CUX1: variants seen among roughly 807,000 people sequenced by gnomAD.
CUX1 encodes protein CASP.
Under a neutral mutation model 158.8 loss-of-function variants are expected in CUX1, and 31 were observed. The ratio of observed to expected loss-of-function variants is 0.20; its 90% CI spans 0.15 to 0.26. The LOEUF (loss-of-function observed/expected upper bound fraction) is 0.26. Ranked by LOEUF, CUX1 falls within the 10% of genes least tolerant of loss-of-function variation. CUX1 has a pLI of 1.00. For missense variants in CUX1, 1,589 were observed against 2,014.6 expected, an observed-to-expected ratio of 0.79 and a Z score of 4.04; for synonymous variants, 879 against 862.1, an observed-to-expected ratio of 1.02 and a Z score of -0.34.
chr7:101,941,139 G>A (rs1041372227), intron 2 of CUX1, among the ~76,000 whole-genome samples: 8 of 152,216 alleles, frequency 5.3e-5, no homozygotes, highest in African/African-American at 1.9e-4. Flanking sequence ...AGCCAGCCGG[G>A]CAGCCTGTTC....
chr7:102,195,494 C>G lies in CUX1; in HGVS notation c.1126-13C>G, dbSNP rs368169444. The G allele has an allele frequency of 2.2e-4, 346 of 1,607,126 alleles. No individual in the cohort carries two copies. Among genetic ancestry groups the G allele is most frequent in the Non-Finnish European group, 2.8e-4 (328 of 1,178,164 alleles). On this transcript the variant is annotated splice_polypyrimidine_tract_variant and intron_variant, in intron 13 of 23. Coordinates refer to ENST00000292535, the MANE Select transcript of CUX1 (RefSeq NM_181552.4). ...CCGGCCCCGCAGTGAGACCCCCGCT[C>G]TGCCCCTTCTAGGATGCGGCCAAGC...
chr7:102,090,671 G>A (rs1828481470), intron 4 of CUX1, among the ~76,000 whole-genome samples: 1 of 147,104 alleles, frequency 6.8e-6, no homozygotes, highest in Admixed American at 6.8e-5. Flanking sequence ...ACAGGCGTGA[G>A]CCACCGCACC....
intron 3 of CUX1, among the ~76,000 whole-genome samples, chr7:102,046,569 A>ATTTTTTTTTTTTTTTTTTTTTTTTTTT (rs55753644): frequency 3.6e-5 from 2 of 55,480 alleles, no homozygotes; most frequent in Non-Finnish European, 6.4e-5. Context: ...TTTGGTTTGG[A>ATTTTTTTTTTTTTTTTTTTTTTTTTTT]TTTTTTTTTT....
At chr7:101,820,457 C>T (rs1464533543) in intron 1 of CUX1, among the ~76,000 whole-genome samples, 1 of 152,178 alleles carries the variant, frequency 6.6e-6, no homozygotes, top group African/African-American at 2.4e-5. Context: ...TAAAAGGCAA[C>T]TCTAACCATT....
At chr7:102,098,231 T>A (rs538222061) in intron 5 of CUX1, among the ~76,000 whole-genome samples, 4 of 152,336 alleles carry the variant, frequency 2.6e-5, no homozygotes, top group Non-Finnish European at 5.9e-5. Context: ...TGTTTTGGTT[T>A]GGGAATGTGA....
intron 9 of CUX1, among the ~76,000 whole-genome samples, chr7:102,168,904 T>A: frequency 8.4e-6 from 1 of 119,312 alleles, no homozygotes. Flanking sequence ...TTTTCTTTTC[T>A]TTTCTTTTAT....
chr7:102,238,411 G>A (rs1554533634), intron 22 of CUX1, among the ~76,000 whole-genome samples: 1 of 152,142 alleles, frequency 6.6e-6, no homozygotes, highest in African/African-American at 2.4e-5. Flanking sequence ...ACTCCTCACT[G>A]TGTCCCCTCA....
intron 2 of CUX1, among the ~76,000 whole-genome samples, chr7:102,005,264 C>T (rs1018114636): frequency 6.6e-6 from 1 of 152,222 alleles, no homozygotes; most frequent in Admixed American, 6.5e-5. Context: ...CGGTGGCTCA[C>T]GCCTGTAATC....
Position 102,201,298 on chromosome 7 carries a change from A to C in CUX1, c.2063-62A>C. 6.4e-7 allele frequency: 1 copy of C among 1,569,516 alleles called. No individual in the cohort carries two copies. Among genetic ancestry groups the C allele is most frequent in the Non-Finnish European group, 8.6e-7 (1 of 1,157,446 alleles). ...TTGCAGTAGGTCAAGTTAGGATGAG[A>C]AGCATGTCCCCAGCTGAAGGGGGCC... On this transcript the variant is annotated intron_variant, in intron 17 of 23. Coordinates refer to ENST00000292535, the MANE Select transcript of CUX1 (RefSeq NM_181552.4). This position sits in a 1 kb window ranked among gnomAD's most constrained non-coding sequence, Gnocchi z 5.0.
At chr7:102,173,858 G>T (rs1554511083) in intron 10 of CUX1, among the ~76,000 whole-genome samples, 1 of 152,194 alleles carries the variant, frequency 6.6e-6, no homozygotes, top group African/African-American at 2.4e-5. Context: ...CTCCCCGCGG[G>T]CGTGTATTCC....
chr7:102,044,545 T>A (rs1333737745), intron 3 of CUX1, among the ~76,000 whole-genome samples: 1 of 152,186 alleles, frequency 6.6e-6, no homozygotes, highest in East Asian at 1.9e-4. Flanking sequence ...CATTAACTTT[T>A]CCCCTCTTTC....
chr7:102,026,840 A>C (rs1290487029), intron 2 of CUX1, among the ~76,000 whole-genome samples: 3 of 151,714 alleles, frequency 2.0e-5, no homozygotes, highest in Admixed American at 6.6e-5. Flanking sequence ...AAAAAAAAAA[A>C]AAAACATAGT....
chr7:102,018,560 G>A (rs903191024), intron 2 of CUX1, among the ~76,000 whole-genome samples: 1 of 152,174 alleles, frequency 6.6e-6, no homozygotes, highest in South Asian at 2.1e-4. Flanking sequence ...AGATGCCAAC[G>A]AGGCTCTGGC....
At chr7:102,217,355 C>A (rs1346891402) in intron 20 of CUX1, among the ~76,000 whole-genome samples, 1 of 152,278 alleles carries the variant, frequency 6.6e-6, no homozygotes, top group African/African-American at 2.4e-5. Flanking sequence ...ACTTTCCACT[C>A]CGAATCCCCG....
chr7:102,191,167 C>T (rs1554516844), intron 12 of CUX1, among the ~76,000 whole-genome samples: 1 of 152,200 alleles, frequency 6.6e-6, no homozygotes, highest in African/African-American at 2.4e-5. Context: ...CCTCTGCCGG[C>T]ACCTCCTCGG....
chr7:101,835,973 C>T (rs1438173005), intron 1 of CUX1, among the ~76,000 whole-genome samples: 1 of 152,228 alleles, frequency 6.6e-6, no homozygotes, highest in African/African-American at 2.4e-5. Context: ...AGGTGACCCA[C>T]CCACCTGGCC....
At chr7:101,874,472 C>T (rs534977408) in intron 1 of CUX1, among the ~76,000 whole-genome samples, 2 of 152,356 alleles carry the variant, frequency 1.3e-5, no homozygotes, top group African/African-American at 2.4e-5. Flanking sequence ...GCAGGACACA[C>T]GCACAGAGGA....
At chr7:101,887,202 C>T (rs910597006) in intron 1 of CUX1, among the ~76,000 whole-genome samples, 11 of 152,228 alleles carry the variant, frequency 7.2e-5, no homozygotes, top group East Asian at 3.9e-4. Context: ...ATAGGGCAGC[C>T]GAGTTGCTGT....
chr7:102,258,164 C>T lies in CUX1; in HGVS notation c.*9122C>T, dbSNP rs1489644838. Reference sequence around the variant, plus strand: ...AAGCAATATCACTGTATGAGACTCACACCATGTATTATTATTCACTAGCAC... The same window carrying T: ...AAGCAATATCACTGTATGAGACTCATACCATGTATTATTATTCACTAGCAC... On this transcript the variant is annotated 3_prime_UTR_variant, in exon 24 of 24. Transcript: ENST00000292535. 2.0e-6 allele frequency: 2 copies of T among 984,932 alleles called. No homozygotes were observed. The highest frequency in any genetic ancestry group is 3.5e-5 in the African/African-American group (2 of 57,202). The allele number at this position is 984,932 out of a possible 1,614,324, so 61.0% of individuals were successfully genotyped here. A position where few individuals can be genotyped will look rare whatever the true frequency, so the allele number is the denominator to read the frequency against.
Sources: gnomAD v4.1 joint callset for allele counts (sites outside exome capture counted in the v4.1 genomes callset) on GRCh38, gnomAD v4.1.1 for gene constraint, Gnocchi (gnomAD v3.1) non-coding constraint, MANE v1.5 for transcripts, NCBI Gene and HGNC (gene_info 2026-07-23, HGNC 2026-07-21) for gene names.